The following PRKN variants were observed in gnomAD, a reference collection of about 807,000 sequenced individuals.
The protein encoded by PRKN is parkin RBR E3 ubiquitin protein ligase.
PRKN carries 56 observed loss-of-function variants against 59.5 expected under a neutral mutation model. The observed-to-expected ratio is 0.94, with a 90% CI of 0.76 to 1.18. The LOEUF (loss-of-function observed/expected upper bound fraction) is 1.18. Ranked by LOEUF, PRKN falls within the 50% of genes most tolerant of loss-of-function variation. The pLI, the probability that PRKN is intolerant of heterozygous loss-of-function variation, is 0.00. For missense variants in PRKN, 657 were observed against 596.4 expected, an observed-to-expected ratio of 1.10 and a Z score of -1.06; for synonymous variants, 250 against 222.1, an observed-to-expected ratio of 1.13 and a Z score of -1.12.
At chr6:161,690,635 G>C (rs1351559007) in intron 7 of PRKN, among the ~76,000 whole-genome samples, 1 of 152,196 alleles carries the variant, frequency 6.6e-6, no homozygotes, top group African/African-American at 2.4e-5. Context: ...CCCCAGAATG[G>C]ATGGGCAGCA....
chr6:161,667,362 TC>T (rs951065199), intron 7 of PRKN, among the ~76,000 whole-genome samples: 3 of 152,160 alleles, frequency 2.0e-5, no homozygotes, highest in African/African-American at 7.2e-5. Context: ...CCTGGCCCCT[TC>T]CTAGAGCATC....
intron 7 of PRKN, among the ~76,000 whole-genome samples, chr6:161,684,313 C>T (rs1785476923): frequency 6.6e-6 from 1 of 152,000 alleles, no homozygotes; most frequent in Non-Finnish European, 1.5e-5. Flanking sequence ...CCAGGCTGGT[C>T]TCAAGCAATC....
intron 1 of PRKN, among the ~76,000 whole-genome samples, chr6:162,618,676 G>C (rs1235831230): frequency 6.6e-6 from 1 of 152,084 alleles, no homozygotes; most frequent in Non-Finnish European, 1.5e-5. Flanking sequence ...CAAATGAAAG[G>C]CCATAATGTT....
chr6:161,682,316 C>G (rs982082893), intron 7 of PRKN, among the ~76,000 whole-genome samples: 1 of 152,142 alleles, frequency 6.6e-6, no homozygotes, highest in Admixed American at 6.5e-5. Context: ...GAAAAGAGAG[C>G]CGGGAATGCT....
chr6:162,100,501 G>T (rs1266342938), intron 4 of PRKN, among the ~76,000 whole-genome samples: 3 of 150,730 alleles, frequency 2.0e-5, no homozygotes, highest in Non-Finnish European at 4.4e-5. Flanking sequence ...CCAGGCTGGA[G>T]TGCAATCTCA....
chr6:162,280,796 C>CAAAAAAAAAAAAAAAAAAAAAAAAAA (rs35943173), intron 2 of PRKN, among the ~76,000 whole-genome samples: 1 of 41,346 alleles, frequency 2.4e-5, no homozygotes. Context: ...GACTCCATCT[C>CAAAAAAAAAAAAAAAAAAAAAAAAAA]AAAAAAAAAA....
chr6:162,258,255 A>G (rs1488627926), intron 3 of PRKN, among the ~76,000 whole-genome samples: 1 of 152,204 alleles, frequency 6.6e-6, no homozygotes, highest in Non-Finnish European at 1.5e-5. Context: ...TGAGGTAGGC[A>G]TCTTGTCTGT....
At chr6:162,557,148 T>C (rs1156975780) in intron 1 of PRKN, among the ~76,000 whole-genome samples, 2 of 152,154 alleles carry the variant, frequency 1.3e-5, no homozygotes, top group Non-Finnish European at 1.5e-5. Context: ...AATGTGAACA[T>C]CTCCAATAAG....
intron 7 of PRKN, among the ~76,000 whole-genome samples, chr6:161,643,577 G>A (rs7742460): frequency 0.57 from 86,596 of 152,044 alleles, 25,338 homozygotes; most frequent in African/African-American, 0.63. Flanking sequence ...CAGATATTAA[G>A]AAGTGTATAT....
intron 7 of PRKN, among the ~76,000 whole-genome samples, chr6:161,571,423 G>A (rs1324717057): frequency 1.3e-5 from 2 of 152,200 alleles, no homozygotes; most frequent in African/African-American, 4.8e-5. Context: ...TGTGAGAGTG[G>A]TCAGAAGCCC....
chr6:161,940,055 C>A (rs1283189881), intron 6 of PRKN, among the ~76,000 whole-genome samples: 4 of 151,938 alleles, frequency 2.6e-5, no homozygotes, highest in African/African-American at 9.7e-5. Context: ...TGCCACCATG[C>A]CCGGCTAATT....
chr6:162,264,259 A>G (rs1391960890), intron 2 of PRKN, among the ~76,000 whole-genome samples: 1 of 151,306 alleles, frequency 6.6e-6, no homozygotes, highest in African/African-American at 2.5e-5. Flanking sequence ...CCTGGGCAAC[A>G]GAGAGAGAGA....
intron 2 of PRKN, among the ~76,000 whole-genome samples, chr6:162,435,385 A>T (rs1380132138): frequency 6.6e-6 from 1 of 152,056 alleles, no homozygotes; most frequent in African/African-American, 2.4e-5. Flanking sequence ...TATTGATGGC[A>T]ATCCTCAGAG....
intron 7 of PRKN, among the ~76,000 whole-genome samples, chr6:161,586,622 A>G (rs576116491): frequency 2.3e-4 from 35 of 152,242 alleles, no homozygotes; most frequent in African/African-American, 8.2e-4. Context: ...ATTCTCTTTC[A>G]TGTGTCCATG....
At chr6:162,039,889 C>T (rs976676502) in intron 5 of PRKN, among the ~76,000 whole-genome samples, 4 of 152,104 alleles carry the variant, frequency 2.6e-5, no homozygotes, top group African/African-American at 4.8e-5. Flanking sequence ...AAGGTATGCC[C>T]GTCATCTACT....
At chr6:161,927,927 G>A (rs1779027229) in intron 6 of PRKN, among the ~76,000 whole-genome samples, 1 of 152,124 alleles carries the variant, frequency 6.6e-6, no homozygotes, top group Non-Finnish European at 1.5e-5. Context: ...GAGTGAACAA[G>A]GATAACATTT....
At chr6:162,331,161 T>C (rs1377392596) in intron 2 of PRKN, among the ~76,000 whole-genome samples, 1 of 121,806 alleles carries the variant, frequency 8.2e-6, no homozygotes, top group Non-Finnish European at 1.7e-5. Flanking sequence ...AAACCCCATC[T>C]CTATTAAAAA....
At chr6:161,787,565 C>T (rs377127680) in intron 6 of PRKN, among the ~76,000 whole-genome samples, 1 of 152,194 alleles carries the variant, frequency 6.6e-6, no homozygotes, top group African/African-American at 2.4e-5. Flanking sequence ...TAGACTAAAA[C>T]CTTTATAGAC....
intron 9 of PRKN, among the ~76,000 whole-genome samples, chr6:161,508,985 C>T (rs1027691003): frequency 6.6e-6 from 1 of 152,102 alleles, no homozygotes; most frequent in Non-Finnish European, 1.5e-5. Flanking sequence ...GCTGGGATTA[C>T]AGGCATGCGC....
Sources: gnomAD v4.1 joint callset for allele counts (sites outside exome capture counted in the v4.1 genomes callset) on GRCh38, gnomAD v4.1.1 for gene constraint, MANE v1.5 for transcripts, NCBI Gene and HGNC (gene_info 2026-07-23, HGNC 2026-07-21) for gene names.